The following CSMD3 variants were observed in gnomAD, a reference collection of about 807,000 sequenced individuals.
CSMD3 encodes CUB and Sushi multiple domains 3, also known as CUB and sushi domain-containing protein 3.
In CSMD3, 177 loss-of-function variants were observed where a neutral mutation model predicts 435.2. That is an observed-to-expected ratio of 0.41 (90% confidence interval 0.36 to 0.46). The LOEUF (loss-of-function observed/expected upper bound fraction) is 0.46, where lower values mean the gene tolerates loss of function less well. Ranked by LOEUF, CSMD3 falls within the 20% of genes least tolerant of loss-of-function variation. CSMD3 has a pLI of 0.34. For missense variants in CSMD3, 4,265 were observed against 4,504.6 expected (o/e 0.95, Z 1.52); for synonymous variants, 1,656 against 1,520.5 (o/e 1.09, Z -2.07).
chr8:112,326,527 A>T (rs751019299), intron 45 of CSMD3, among the ~76,000 whole-genome samples: 1 of 152,166 alleles, frequency 6.6e-6, no homozygotes, highest in Non-Finnish European at 1.5e-5. Flanking sequence ...AGGCCTGAAC[A>T]TATTACCAGT....
chr8:112,871,933 TG>T (rs1248055389), intron 10 of CSMD3, among the ~76,000 whole-genome samples: 1 of 152,084 alleles, frequency 6.6e-6, no homozygotes, highest in African/African-American at 2.4e-5. Context: ...ACATTTTTCA[TG>T]TGTCAGAATT....
At chr8:113,003,081 A>T (rs955510299) in intron 6 of CSMD3, among the ~76,000 whole-genome samples, 4 of 151,952 alleles carry the variant, frequency 2.6e-5, no homozygotes, top group African/African-American at 4.8e-5. Flanking sequence ...CATTTCTACT[A>T]AAAACAATAC....
At chr8:112,550,302 A>G (rs1827563967) in intron 27 of CSMD3, among the ~76,000 whole-genome samples, 1 of 152,040 alleles carries the variant, frequency 6.6e-6, no homozygotes, top group Admixed American at 6.6e-5. Flanking sequence ...TTTTTGTAAT[A>G]GCAAGTAGTC....
intron 22 of CSMD3, among the ~76,000 whole-genome samples, chr8:112,618,371 G>T (rs1833811264): frequency 6.6e-6 from 1 of 151,290 alleles, no homozygotes; most frequent in Non-Finnish European, 1.5e-5. Context: ...AAGACAGAAG[G>T]CTTATATTTT....
At chr8:112,786,531 A>G (rs184602025) in intron 13 of CSMD3, among the ~76,000 whole-genome samples, 62 of 152,200 alleles carry the variant, frequency 4.1e-4, no homozygotes, top group African/African-American at 1.4e-3. Context: ...CAAAGGCTTA[A>G]CAACTAGAAT....
In CSMD3 at chr8:113,393,869, C is replaced by A. The variant is rs577610211; in HGVS notation, c.178+42808G>T. 2.6e-5 allele frequency among the ~76,000 whole-genome samples: 4 copies of A among 151,794 alleles called. No individual in the cohort carries two copies. The South Asian group carries it at 6.3e-4, about 24-fold the overall frequency. ...AATATAAAATTTAACTTTTGGGAAG[C>A]CTTTTTCTCTGTATCTATGTGAAAA... On this transcript the variant is annotated intron_variant, in intron 1 of 70. Coordinates refer to ENST00000297405, the MANE Select transcript of CSMD3 (RefSeq NM_198123.2).
chr8:112,254,103 C>T (rs955343118), intron 63 of CSMD3, 150 bp downstream of exon 63: 12 of 665,880 alleles, frequency 1.8e-5, no homozygotes, highest in East Asian at 1.1e-4. Context: ...TCCTTTACTT[C>T]CACTCTTTTG....
rs1183491621 is a variant in CSMD3, at chr8:113,273,151, A to G, written c.514+5441T>C. On this transcript the variant is annotated intron_variant, in intron 3 of 70. Transcript: ENST00000297405. ...AATATGTATAATTATTATAAAAATT[A>G]AAATAAAACAAATTTTGTTTAAATA... is the stretch of plus-strand genomic sequence containing the variant. Among the ~76,000 whole-genome samples, 3 of 152,008 alleles carry G rather than the reference A, an allele frequency of 2.0e-5. No individual in the cohort carries two copies. In the East Asian group the frequency reaches 5.8e-4, roughly 29 times the overall value.
chr8:112,879,493 C>T (rs1587557303), intron 10 of CSMD3, among the ~76,000 whole-genome samples: 1 of 152,042 alleles, frequency 6.6e-6, no homozygotes, highest in African/African-American at 2.4e-5. Flanking sequence ...TGACCTTCTG[C>T]TTTGTGATAT....
chr8:112,931,493 A>G (rs1314899155), intron 9 of CSMD3, among the ~76,000 whole-genome samples: 2 of 133,218 alleles, frequency 1.5e-5, no homozygotes, highest in African/African-American at 5.2e-5. Flanking sequence ...TAAAACTACT[A>G]AAAAAAAAAA....
chr8:112,244,506 A>G lies in CSMD3; in HGVS notation c.10290T>C (p.His3430=), dbSNP rs1261137036. ...ANVVGMDLPS[H]GYTLIYTCQP... ...GACAGGTATAAATCAGTGTATACCC[A>G]TGAGATGGAAGGTCCATCCCTACGA... Residue 3430 remains histidine (H), a synonymous_variant, in exon 65 of 71, where the codon CAT becomes CAC. Coordinates refer to ENST00000297405, the MANE Select transcript of CSMD3 (RefSeq NM_198123.2). The G allele has an allele frequency of 1.2e-6, 2 of 1,613,230 alleles. No homozygotes were observed.
chr8:112,683,399 C>T (rs557347979), intron 15 of CSMD3, among the ~76,000 whole-genome samples: 4 of 152,050 alleles, frequency 2.6e-5, no homozygotes, highest in African/African-American at 9.6e-5. Context: ...TTCTCAACAA[C>T]CTATTGTATC....
rs148344357 is a variant in CSMD3, at chr8:112,812,434, A to G, written c.1860-12160T>C. On this transcript the variant is annotated intron_variant, in intron 12 of 70. Coordinates refer to ENST00000297405, the MANE Select transcript of CSMD3 (RefSeq NM_198123.2). Reference sequence around the variant, plus strand: ...GAAGAGATGCAAACCCCCTGGAAGCATGCCAACATATAAAACCCAAAGTCA... The same window carrying G: ...GAAGAGATGCAAACCCCCTGGAAGCGTGCCAACATATAAAACCCAAAGTCA... 3.1e-3 allele frequency among the ~76,000 whole-genome samples: 476 copies of G among 152,298 alleles called. 4 individuals carry two copies. The highest frequency in any genetic ancestry group is 9.9e-3 in the African/African-American group (411 of 41,570).
At chr8:112,386,154 G>A (rs1829931196) in intron 36 of CSMD3, among the ~76,000 whole-genome samples, 1 of 152,136 alleles carries the variant, frequency 6.6e-6, no homozygotes, top group Non-Finnish European at 1.5e-5. Context: ...ACCCTGAAGT[G>A]GGCAGGGACG....
chr8:112,597,562 C>G (rs1214148096), intron 22 of CSMD3, among the ~76,000 whole-genome samples: 11 of 117,036 alleles, frequency 9.4e-5, no homozygotes, highest in African/African-American at 3.6e-4. Flanking sequence ...GAGACACAAC[C>G]AAAAAAGAGA....
At chr8:112,379,594 A>G (rs567664390) in intron 38 of CSMD3, among the ~76,000 whole-genome samples, 1 of 152,322 alleles carries the variant, frequency 6.6e-6, no homozygotes, top group East Asian at 1.9e-4. Context: ...AAATGTCCAT[A>G]CTACACAAAG....
At chr8:112,819,581 G>A (rs1348367597) in intron 12 of CSMD3, among the ~76,000 whole-genome samples, 1 of 152,168 alleles carries the variant, frequency 6.6e-6, no homozygotes, top group Non-Finnish European at 1.5e-5. Flanking sequence ...GTGGGCCCAA[G>A]CCAAGTTCTG....
intron 10 of CSMD3, among the ~76,000 whole-genome samples, chr8:112,899,371 G>C (rs1300384776): frequency 6.7e-6 from 1 of 150,068 alleles, no homozygotes; most frequent in Non-Finnish European, 1.5e-5. Context: ...TATATCTTTT[G>C]AAAAAATAAT....
intron 27 of CSMD3, among the ~76,000 whole-genome samples, chr8:112,523,041 A>ACCAATACACT (rs1563654434): frequency 6.6e-6 from 1 of 152,018 alleles, no homozygotes; most frequent in East Asian, 1.9e-4. Flanking sequence ...GGTATAACAA[A>ACCAATACACT]GAATAAATAC....
Sources: gnomAD v4.1 joint callset for allele counts (sites outside exome capture counted in the v4.1 genomes callset) on GRCh38, gnomAD v4.1.1 for gene constraint, MANE v1.5 for transcripts, NCBI Gene and HGNC (gene_info 2026-07-23, HGNC 2026-07-21) for gene names.